The following TIMP3 variants were observed in gnomAD, a reference collection of about 807,000 sequenced individuals.
TIMP3 encodes metalloproteinase inhibitor 3.
Under a neutral mutation model 30.0 loss-of-function variants are expected in TIMP3, and 11 were observed. The observed-to-expected ratio is 0.37, with a 90% CI of 0.23 to 0.61. The LOEUF (loss-of-function observed/expected upper bound fraction) is 0.61. Ranked by LOEUF, TIMP3 falls within the 20% of genes least tolerant of loss-of-function variation. The pLI is 0.70. For missense variants in TIMP3, 181 were observed against 276.8 expected, an observed-to-expected ratio of 0.65 and a Z score of 2.45; for synonymous variants, 112 against 111.3, an observed-to-expected ratio of 1.01 and a Z score of -0.04.
At chr22:32,840,653 C>CA (rs2047871936) in intron 1 of TIMP3, among the ~76,000 whole-genome samples, 1 of 152,162 alleles carries the variant, frequency 6.6e-6, no homozygotes, top group Admixed American at 6.5e-5. Flanking sequence ...CTCCGCCCCC[C>CA]ACCCAGATCA....
intron 1 of TIMP3, among the ~76,000 whole-genome samples, chr22:32,819,369 C>G (rs1601441600): frequency 6.6e-6 from 1 of 152,222 alleles, no homozygotes; most frequent in East Asian, 1.9e-4. Flanking sequence ...TTCTCGAGGC[C>G]CAGCCCGGCC....
chr22:32,834,318 A>T (rs1254484294), intron 1 of TIMP3, among the ~76,000 whole-genome samples: 1 of 53,364 alleles, frequency 1.9e-5, no homozygotes, highest in East Asian at 8.0e-4. Flanking sequence ...ACATCTGGCT[A>T]ATTTATTTTT....
chr22:32,859,561 C>A lies in TIMP3; in HGVS notation c.*184C>A. On this transcript the variant is annotated 3_prime_UTR_variant, in exon 5 of 5. Transcript: ENST00000266085. The stretch of plus-strand genomic sequence containing the variant: ...ATTGGGAACTATCCTCCTGGCCCCA[C>A]CCTGCCCCTTCTTTTTGGTTTTGAC... 1 of 738,526 alleles carries A rather than the reference C, an allele frequency of 1.4e-6. No individual in the cohort carries two copies. Among genetic ancestry groups the A allele is most frequent in the Non-Finnish European group, 2.1e-6 (1 of 470,526 alleles). 45.7% of individuals were successfully genotyped at this position (738,526 alleles called of 1,614,324 possible).
In TIMP3 at chr22:32,849,469, G is replaced by A; in HGVS notation, c.139G>A (p.Val47Met). 6.2e-7 allele frequency: 1 copy of A among 1,613,810 alleles called. No homozygotes were observed. Among genetic ancestry groups the A allele is most frequent in the South Asian group, 1.1e-5 (1 of 90,990 alleles). The part of the protein sequence containing the change: ...NSDIVIRAKV[V>M]GKKLVKEGPF... ...CTCTGCAGTGATCCGGGCCAAGGTG[G>A]TGGGGAAGAAGCTGGTAAAGGAGGG... The change falls in exon 2 of 5, where the codon GTG becomes ATG. Residue 47 changes from valine (V) to methionine (M), a missense_variant. Around this residue, in one of 3 missense-constraint regions of TIMP3, gnomAD observed 71 missense variants for 79.7 expected, o/e 0.89. Transcript: ENST00000266085.
intron 1 of TIMP3, among the ~76,000 whole-genome samples, chr22:32,825,960 C>G (rs2047398688): frequency 6.6e-6 from 1 of 152,096 alleles, no homozygotes; most frequent in South Asian, 2.1e-4. Flanking sequence ...GACGTATCCA[C>G]AAGTTTATAG....
At chr22:32,858,837 G>A (rs145517392) in intron 4 of TIMP3, among the ~76,000 whole-genome samples, 392 of 152,072 alleles carry the variant, frequency 2.6e-3, no homozygotes, top group African/African-American at 8.6e-3. Context: ...CTAATTCCTC[G>A]ATTCCCTAAA....
At chr22:32,852,319 C>T (rs1482562567) in intron 2 of TIMP3, among the ~76,000 whole-genome samples, 1 of 152,158 alleles carries the variant, frequency 6.6e-6, no homozygotes, top group African/African-American at 2.4e-5. Flanking sequence ...ATATAAATGC[C>T]CACTCCATAT....
rs1045754288 is a variant in TIMP3 at position 32,861,376 on chromosome 22, G to T, written c.*1999G>T. 1 of 142,834 alleles carries T rather than the reference G, an allele frequency of 7.0e-6. No homozygotes were observed. Among genetic ancestry groups the T allele is most frequent in the Admixed American group, 6.9e-5 (1 of 14,466 alleles). The allele number at this position is 142,834 out of a possible 1,614,324, so 8.8% of individuals were successfully genotyped here. ...GAGAATGGGAGGCTTGGCCTTCTTT[G>T]TGAGGCAGTGTGAGCAGAAGCTGAT... On this transcript the variant is annotated 3_prime_UTR_variant, in exon 5 of 5. Transcript: ENST00000266085.
In TIMP3 at chr22:32,829,252, T is replaced by A. The variant is rs114676845; in HGVS notation, c.122-20200T>A. ...CTGATACCCTCTTTGATCTAAACCC[T>A]CCTTTCGTGATCACGCCTGGTGGCT... On this transcript the variant is annotated intron_variant, in intron 1 of 4. Transcript: ENST00000266085. Among the ~76,000 whole-genome samples the A allele has an allele frequency of 5.9e-3, 904 of 152,276 alleles. 6 individuals carry two copies. The highest frequency in any genetic ancestry group is 0.02 in the African/African-American group (834 of 41,554).
chr22:32,859,326 C>T lies in TIMP3; in HGVS notation c.585C>T (p.Tyr195=). Residue 195 remains tyrosine, a synonymous_variant, in exon 5 of 5, where the codon TAC becomes TAT. Coordinates refer to ENST00000266085, the MANE Select transcript of TIMP3 (RefSeq NM_000362.5). ...AGAAGGGCGGCTACTGCAGCTGGTACCGAGGATGGGCCCCCCCGGATAAAA... is the reference window on the plus strand; with the variant it reads ...AGAAGGGCGGCTACTGCAGCTGGTATCGAGGATGGGCCCCCCCGGATAAAA... ...IRQKGGYCSW[Y]RGWAPPDKSI... is the part of the protein sequence containing the mutation. The T allele has an allele frequency of 6.2e-7, 1 of 1,613,848 alleles. No individual in the cohort carries two copies. The highest frequency in any genetic ancestry group is 8.5e-7 in the Non-Finnish European group (1 of 1,180,042).
At chr22:32,821,465 A>G (rs1425481887) in intron 1 of TIMP3, among the ~76,000 whole-genome samples, 2 of 152,220 alleles carry the variant, frequency 1.3e-5, no homozygotes, top group African/African-American at 4.8e-5. Context: ...GCCAGAGTTG[A>G]TAGAAATGGA....
intron 1 of TIMP3, among the ~76,000 whole-genome samples, chr22:32,821,531 G>A (rs1329452189): frequency 1.3e-5 from 2 of 152,204 alleles, no homozygotes; most frequent in Non-Finnish European, 2.9e-5. Context: ...TAACAGACAG[G>A]GATGGAGTGG....
chr22:32,833,672 A>G (rs1017898740), intron 1 of TIMP3, among the ~76,000 whole-genome samples: 7 of 152,172 alleles, frequency 4.6e-5, no homozygotes, highest in African/African-American at 1.7e-4. Context: ...GGGGCTCCCA[A>G]TTCAGGCTGC....
intron 1 of TIMP3, among the ~76,000 whole-genome samples, chr22:32,847,041 T>G (rs1915103621): frequency 6.6e-6 from 1 of 152,164 alleles, no homozygotes; most frequent in Non-Finnish European, 1.5e-5. Context: ...TGAACCAGGA[T>G]GTTGCTATTT....
rs1183456085 is a variant in TIMP3 at position 32,862,207 on chromosome 22, T to C, written c.*2830T>C. On this transcript the variant is annotated 3_prime_UTR_variant, in exon 5 of 5. Coordinates refer to ENST00000266085, the MANE Select transcript of TIMP3 (RefSeq NM_000362.5). ...TGCCCATCCAGTTGGGAAGCCATGATTTTCCTAAGAATCCAGGGCCATGGG... is the reference window on the plus strand; with the variant it reads ...TGCCCATCCAGTTGGGAAGCCATGACTTTCCTAAGAATCCAGGGCCATGGG... 6.6e-6 allele frequency: 1 copy of C among 152,228 alleles called. No homozygotes were observed. Among genetic ancestry groups the C allele is most frequent in the Non-Finnish European group, 1.5e-5 (1 of 68,048 alleles). 9.4% of individuals were successfully genotyped at this position (152,228 alleles called of 1,614,324 possible).
chr22:32,827,057 C>A (rs1029709673), intron 1 of TIMP3, among the ~76,000 whole-genome samples: 46 of 152,328 alleles, frequency 3.0e-4, no homozygotes, highest in African/African-American at 1.1e-3. Context: ...TGGAGTTTTG[C>A]TGATCATTGA....
At chr22:32,816,951 C>T (rs376465906) in intron 1 of TIMP3, among the ~76,000 whole-genome samples, 7 of 152,120 alleles carry the variant, frequency 4.6e-5, no homozygotes, top group Admixed American at 2.0e-4. Flanking sequence ...CCGGGCACAG[C>T]GGCTCACGCA....
intron 1 of TIMP3, among the ~76,000 whole-genome samples, chr22:32,827,474 A>G (rs992436476): frequency 6.6e-6 from 1 of 152,132 alleles, no homozygotes; most frequent in East Asian, 1.9e-4. Flanking sequence ...ACATGTGATG[A>G]TATCTACCTC....
chr22:32,830,467 A>G (rs1432766146), intron 1 of TIMP3, among the ~76,000 whole-genome samples: 1 of 152,166 alleles, frequency 6.6e-6, no homozygotes, highest in African/African-American at 2.4e-5. Flanking sequence ...CCAAGTGCTC[A>G]TGTCTTTGCC....
Sources: gnomAD v4.1 joint callset for allele counts (sites outside exome capture counted in the v4.1 genomes callset) on GRCh38, gnomAD v4.1.1 for gene constraint, gnomAD v4.1.1 regional missense constraint, MANE v1.5 for transcripts, NCBI Gene and HGNC (gene_info 2026-07-23, HGNC 2026-07-21) for gene names.